Variants in COL24A1 observed in about 807,000 individuals in gnomAD.
COL24A1 encodes collagen type XXIV alpha 1 chain.
Under a neutral mutation model 253.9 loss-of-function variants are expected in COL24A1, and 224 were observed. The ratio of observed to expected loss-of-function variants is 0.88; its 90% CI spans 0.79 to 0.99. COL24A1 has a LOEUF of 0.99. Ranked by LOEUF, COL24A1 falls within the 50% of genes least tolerant of loss-of-function variation. The pLI, the probability that COL24A1 is intolerant of heterozygous loss-of-function variation, is 0.00. For missense variants in COL24A1, 2,131 were observed against 2,068.5 expected (o/e 1.03, Z -0.59); for synonymous variants, 685 against 673.7 (o/e 1.02, Z -0.26).
intron 32 of COL24A1, 146 bp from the exon 33 acceptor site, chr1:85,877,321 C>G (rs564445905): frequency 3.6e-6 from 2 of 557,766 alleles, no homozygotes; most frequent in African/African-American, 2.0e-5. Flanking sequence ...TTACTTTACT[C>G]TGTATAAACA....
rs375794565 is a variant in COL24A1, at chr1:85,906,391, T to C, written c.2778+803A>G. 6.6e-5 allele frequency among the ~76,000 whole-genome samples: 10 copies of C among 150,918 alleles called. 1 individual carries two copies. In the South Asian group the frequency reaches 1.9e-3, roughly 28 times the overall value. On this transcript the variant is annotated intron_variant, in intron 28 of 59. Transcript: ENST00000370571. ...ACACAGAATCCTTAAAGCCCACATA[T>C]CCAAATTAATTTAAAAAATACTCCC...
rs951078980 is a variant in COL24A1 at position 86,133,720 on chromosome 1, A to T, written c.122-7506T>A. ...GAGGCCCACTTGATCATGGTGGATA[A>T]GCTTTTTGATGTGCTGCTGGATTCG... On this transcript the variant is annotated intron_variant, in intron 2 of 59. Transcript: ENST00000370571. Among the ~76,000 whole-genome samples, 20 of 152,246 alleles carry T rather than the reference A, an allele frequency of 1.3e-4. 2 individuals are homozygous for T. Among genetic ancestry groups the T allele is most frequent in the Admixed American group, 5.2e-4 (8 of 15,280 alleles).
At chr1:85,989,985 T>C (rs1047400543) in intron 19 of COL24A1, among the ~76,000 whole-genome samples, 4 of 152,188 alleles carry the variant, frequency 2.6e-5, no homozygotes, top group African/African-American at 9.6e-5. Flanking sequence ...CTAATCAGAT[T>C]GTAAACTCTT....
intron 8 of COL24A1, 103 bp downstream of exon 8, chr1:86,063,612 G>A (rs1157720462): frequency 8.1e-6 from 6 of 740,684 alleles, no homozygotes; most frequent in Admixed American, 3.0e-5. Context: ...AAAAATCACT[G>A]AGAAGAAAAA....
intron 2 of COL24A1, among the ~76,000 whole-genome samples, chr1:86,126,922 C>T (rs1002035773): frequency 6.6e-6 from 1 of 152,116 alleles, no homozygotes; most frequent in Non-Finnish European, 1.5e-5. Flanking sequence ...TGGAGTCATA[C>T]TTCCAAAGAT....
chr1:86,078,293 C>T (rs188857397), intron 7 of COL24A1, among the ~76,000 whole-genome samples: 19 of 152,132 alleles, frequency 1.2e-4, no homozygotes, highest in Non-Finnish European at 1.2e-4. Flanking sequence ...TGGATATAAA[C>T]GGAATATACC....
At chr1:86,098,601 C>G (rs539554571) in intron 5 of COL24A1, among the ~76,000 whole-genome samples, 5 of 152,136 alleles carry the variant, frequency 3.3e-5, no homozygotes, top group African/African-American at 1.2e-4. Flanking sequence ...AACACCTTTC[C>G]ATTGACATTC....
At chr1:85,911,023 G>A (rs1685309632) in intron 25 of COL24A1, among the ~76,000 whole-genome samples, 1 of 151,760 alleles carries the variant, frequency 6.6e-6, no homozygotes, top group South Asian at 2.1e-4. Flanking sequence ...GATGGGGAGA[G>A]AGAAAGGTAA....
chr1:85,957,239 A>C (rs1690561265), intron 24 of COL24A1, among the ~76,000 whole-genome samples: 2 of 152,316 alleles, frequency 1.3e-5, no homozygotes, highest in Admixed American at 1.3e-4. Flanking sequence ...TACCTAATGC[A>C]TGCAGGGTTT....
intron 47 of COL24A1, among the ~76,000 whole-genome samples, chr1:85,788,255 T>G (rs1227552098): frequency 6.6e-6 from 1 of 152,100 alleles, no homozygotes; most frequent in Admixed American, 6.6e-5. Context: ...TACATCCAGC[T>G]AATTTTTTTG....
intron 20 of COL24A1, among the ~76,000 whole-genome samples, chr1:85,984,451 G>A (rs1693535689): frequency 6.6e-6 from 1 of 151,666 alleles, no homozygotes; most frequent in African/African-American, 2.4e-5. Flanking sequence ...TTATCTGGAG[G>A]AGGGATGAGA....
chr1:85,982,061 TACAA>T (rs1693306641), intron 20 of COL24A1, among the ~76,000 whole-genome samples: 1 of 152,260 alleles, frequency 6.6e-6, no homozygotes, highest in African/African-American at 2.4e-5. Context: ...ATGTGGTATA[TACAA>T]ACAATGGAAT....
chr1:86,046,505 G>A (rs2101646033), intron 12 of COL24A1, among the ~76,000 whole-genome samples: 1 of 152,166 alleles, frequency 6.6e-6, no homozygotes, highest in African/African-American at 2.4e-5. Context: ...ATGTAGAGTA[G>A]GTTAAGAGTA....
intron 14 of COL24A1, chr1:86,029,786 A>G (rs1012329505): frequency 6.6e-6 from 1 of 151,824 alleles, no homozygotes; most frequent in African/African-American, 2.4e-5. Flanking sequence ...TGGCTAATTA[A>G]AACATTTTTT....
At chr1:85,869,395 T>G (rs1424599088) in intron 35 of COL24A1, among the ~76,000 whole-genome samples, 4 of 151,994 alleles carry the variant, frequency 2.6e-5, no homozygotes, top group East Asian at 1.9e-4. Context: ...CACATAATTG[T>G]CAGATTCACC....
In COL24A1 at chr1:85,954,629, A is replaced by AT. The variant is rs562646334; in HGVS notation, c.2562+6619dup. 2.6e-3 allele frequency among the ~76,000 whole-genome samples: 389 copies of AT among 152,242 alleles called. 2 individuals are homozygous for AT. Among genetic ancestry groups the AT allele is most frequent in the African/African-American group, 8.1e-3 (336 of 41,528 alleles). On this transcript the variant is annotated intron_variant, in intron 24 of 59. Coordinates refer to ENST00000370571, the MANE Select transcript of COL24A1 (RefSeq NM_152890.7). ...TATCAGTTCTCAATAAATGGTAGCT[A>AT]TTTTTTTATCATATTCAGGTAAACA...
At chr1:85,790,201 T>C (rs986278331) in intron 47 of COL24A1, among the ~76,000 whole-genome samples, 2 of 152,210 alleles carry the variant, frequency 1.3e-5, no homozygotes, top group Non-Finnish European at 2.9e-5. Context: ...TTTTGGTTGA[T>C]AGGCTATTTA....
intron 3 of COL24A1, among the ~76,000 whole-genome samples, chr1:86,118,254 G>A (rs895277345): frequency 2.6e-5 from 4 of 151,888 alleles, no homozygotes; most frequent in Non-Finnish European, 5.9e-5. Context: ...TAGTAGAGAC[G>A]GGGTTTCACC....
At chr1:85,891,188 C>G (rs113851697) in intron 31 of COL24A1, among the ~76,000 whole-genome samples, 1,769 of 150,874 alleles carry the variant, frequency 0.012, 28 homozygotes, top group African/African-American at 0.04. Flanking sequence ...GTAGCTGGGA[C>G]TACAGGCGCC....
Sources: gnomAD v4.1 joint callset for allele counts (sites outside exome capture counted in the v4.1 genomes callset) on GRCh38, gnomAD v4.1.1 for gene constraint, MANE v1.5 for transcripts, NCBI Gene and HGNC (gene_info 2026-07-23, HGNC 2026-07-21) for gene names.